The following FBN1 variants were observed in gnomAD, a reference collection of about 807,000 sequenced individuals.
The protein encoded by FBN1 is fibrillin-1.
In FBN1, 29 loss-of-function variants were observed where a neutral mutation model predicts 365.1. The observed-to-expected ratio is 0.08, with a 90% confidence interval of 0.06 to 0.11. FBN1 has a LOEUF of 0.11. Among genes scored for constraint, FBN1 ranks in the 10% least tolerant of loss-of-function variants. The pLI is 1.00. For missense variants in FBN1, 2,476 were observed against 3,703.2 expected (o/e 0.67, Z 8.60); for synonymous variants, 1,210 against 1,270.5 (o/e 0.95, Z 1.01).
intron 43 of FBN1, among the ~76,000 whole-genome samples, chr15:48,459,029 C>T (rs542717137): frequency 7.2e-5 from 11 of 152,348 alleles, no homozygotes; most frequent in African/African-American, 2.6e-4. Context: ...GGGTGAGTCC[C>T]TTCCCCTCTC....
intron 4 of FBN1, among the ~76,000 whole-genome samples, chr15:48,607,976 G>C (rs905396873): frequency 6.6e-6 from 1 of 152,190 alleles, no homozygotes; most frequent in Non-Finnish European, 1.5e-5. Flanking sequence ...CTGTTTTGAC[G>C]CTGTCTAGCC....
intron 2 of FBN1, among the ~76,000 whole-genome samples, chr15:48,626,345 A>T (rs1176270260): frequency 6.6e-6 from 1 of 152,206 alleles, no homozygotes; most frequent in Admixed American, 6.5e-5. Flanking sequence ...AATTAAAAGG[A>T]AAAAATCTAA....
intron 8 of FBN1, among the ~76,000 whole-genome samples, chr15:48,532,500 A>ATATGTG (rs778060954): frequency 9.3e-6 from 1 of 107,174 alleles, no homozygotes; most frequent in East Asian, 3.5e-4. Flanking sequence ...GTATATATAT[A>ATATGTG]TGTGTATGTG....
At chr15:48,433,958 T>C (rs952242391) in intron 54 of FBN1, among the ~76,000 whole-genome samples, 10 of 152,202 alleles carry the variant, frequency 6.6e-5, no homozygotes, top group Non-Finnish European at 1.3e-4. Context: ...GTTTCTGATT[T>C]AGGAGGTCTT....
At chr15:48,506,513 A>G (rs1278031336) in intron 15 of FBN1, among the ~76,000 whole-genome samples, 2 of 152,248 alleles carry the variant, frequency 1.3e-5, no homozygotes, top group African/African-American at 4.8e-5. Context: ...ACACACAGCA[A>G]AACGTGGAGA....
At chr15:48,615,225 T>C (rs2140740649) in intron 2 of FBN1, among the ~76,000 whole-genome samples, 1 of 152,158 alleles carries the variant, frequency 6.6e-6, no homozygotes, top group South Asian at 2.1e-4. Context: ...CCTGGAATAG[T>C]GTCAGAGCAC....
chr15:48,598,247 G>GAGGTCC (rs1372026739), intron 5 of FBN1, among the ~76,000 whole-genome samples: 1 of 152,164 alleles, frequency 6.6e-6, no homozygotes, highest in Non-Finnish European at 1.5e-5. Context: ...AGGAACTACT[G>GAGGTCC]AGGTCCCTGT....
intron 1 of FBN1, among the ~76,000 whole-genome samples, chr15:48,645,347 C>A (rs938265391): frequency 2.6e-5 from 4 of 152,232 alleles, no homozygotes; most frequent in African/African-American, 9.6e-5. Context: ...CGACTCCGGG[C>A]GATGCCACCG....
Position 48,644,588 on chromosome 15 carries a change from G to A in FBN1, c.164+18C>T, listed in dbSNP as rs772382145. 8.1e-6 allele frequency: 13 copies of A among 1,613,882 alleles called. No individual in the cohort carries two copies. Among genetic ancestry groups the A allele is most frequent in the African/African-American group, 2.7e-5 (2 of 74,920 alleles). On this transcript the variant is annotated intron_variant, in intron 2 of 65. Transcript: ENST00000316623. Reference sequence around the variant, plus strand: ...AACTTGGGAGACCCACACCAAAGGAGGGAACCGGTTCCTTTACCCTTTAAG... The same window carrying A: ...AACTTGGGAGACCCACACCAAAGGAAGGAACCGGTTCCTTTACCCTTTAAG...
chr15:48,488,542 T>C, intron 25 of FBN1, 49 bp from the exon 26 acceptor site: 3 of 1,599,548 alleles, frequency 1.9e-6, no homozygotes, highest in Non-Finnish European at 2.6e-6. Flanking sequence ...GAGCAAGCAG[T>C]CAGGAGGTCT....
chr15:48,543,839 T>G (rs1236186672), intron 6 of FBN1, among the ~76,000 whole-genome samples: 1 of 152,208 alleles, frequency 6.6e-6, no homozygotes, highest in Non-Finnish European at 1.5e-5. Flanking sequence ...ATAACGGTAT[T>G]GTGGTTACAT....
In FBN1 at chr15:48,474,514, A is replaced by T; in HGVS notation, c.4087+14T>A. ...CAGTCCTTGATAAGCAACCTCTGTT[A>T]CTTTCCTACTCACCAGTGCACTTAA... On this transcript the variant is annotated intron_variant, in intron 33 of 65. Coordinates refer to ENST00000316623, the MANE Select transcript of FBN1 (RefSeq NM_000138.5). 1 of 1,614,178 alleles carries T rather than the reference A, an allele frequency of 6.2e-7. No individual in the cohort carries two copies. Among genetic ancestry groups the T allele is most frequent in the Non-Finnish European group, 8.5e-7 (1 of 1,179,992 alleles).
intron 38 of FBN1, among the ~76,000 whole-genome samples, chr15:48,467,268 T>A (rs2043330785): frequency 6.6e-6 from 1 of 152,208 alleles, no homozygotes; most frequent in Admixed American, 6.5e-5. Flanking sequence ...AGAGTACACA[T>A]TCTAGGTACT....
rs2043585737 is a variant in FBN1 at position 48,494,349 on chromosome 15, T to C, written c.2678-95A>G. The C allele has an allele frequency of 6.5e-6, 6 of 922,074 alleles. No homozygotes were observed. The South Asian group carries it at 6.6e-5, about 10-fold the overall frequency. 57.1% of individuals were successfully genotyped at this position (922,074 alleles called of 1,614,324 possible). ...GACATAGTGTAAGAAACATGAAAGA[T>C]GACCTGGAACATGAAGTAGATTGTG... On this transcript the variant is annotated intron_variant, in intron 22 of 65. Transcript: ENST00000316623.
chr15:48,523,765 G>A (rs1045167033), intron 9 of FBN1, among the ~76,000 whole-genome samples: 8 of 151,770 alleles, frequency 5.3e-5, no homozygotes, highest in African/African-American at 1.9e-4. Context: ...AGGGTAAGGG[G>A]TGGCTGTAGA....
rs543013397 is a variant in FBN1, at chr15:48,468,845, G to A, written c.4460-311C>T. On this transcript the variant is annotated intron_variant, in intron 36 of 65. Transcript: ENST00000316623. The stretch of plus-strand genomic sequence containing the variant: ...GCACTTTGGGAGGCCGAGGCAGGCA[G>A]ATCACGAGGTCAGGAGATCGAGACC... Among the ~76,000 whole-genome samples the A allele has an allele frequency of 1.3e-4, 20 of 150,512 alleles. No individual in the cohort carries two copies. In the East Asian group the frequency reaches 2.9e-3, roughly 22 times the overall value.
intron 56 of FBN1, among the ~76,000 whole-genome samples, chr15:48,428,762 CAGAA>C (rs1277750649): frequency 1.3e-5 from 2 of 152,134 alleles, no homozygotes; most frequent in Non-Finnish European, 2.9e-5. Context: ...AGACTGAAAA[CAGAA>C]AGAGCCATCT....
At chr15:48,603,283 T>A (rs1184167679) in intron 4 of FBN1, among the ~76,000 whole-genome samples, 3 of 152,224 alleles carry the variant, frequency 2.0e-5, no homozygotes, top group African/African-American at 7.2e-5. Flanking sequence ...TATGCATGAA[T>A]CCTTGGGGGA....
intron 5 of FBN1, 151 bp from the exon 6 acceptor site, chr15:48,596,529 A>C (rs978598005): frequency 1.2e-5 from 9 of 731,860 alleles, no homozygotes; most frequent in Non-Finnish European, 2.2e-5. Flanking sequence ...ACATACTCAG[A>C]TATTCCTCAG....
Sources: allele counts gnomAD v4.1 joint callset (sites outside exome capture counted in the v4.1 genomes callset), GRCh38; gene constraint gnomAD v4.1.1; transcripts MANE v1.5; gene names NCBI Gene and HGNC (gene_info 2026-07-23, HGNC 2026-07-21).